The following UGT1A8 variants were observed in gnomAD, a reference collection of about 807,000 sequenced individuals.
The protein encoded by UGT1A8 is UDP glucuronosyltransferase family 1 member A8.
A neutral mutation model predicts 45.3 loss-of-function variants in UGT1A8; 39 were observed. That is an observed-to-expected ratio of 0.86 (90% confidence interval 0.67 to 1.12). The LOEUF is 1.12. Ranked by LOEUF, UGT1A8 falls within the 50% of genes most tolerant of loss-of-function variation. The pLI is 0.00. For missense variants in UGT1A8, 719 were observed against 664.9 expected (o/e 1.08, Z -0.90); for synonymous variants, 275 against 249.2 (o/e 1.10, Z -0.97).
At chr2:233,688,597 A>C (rs1376103048) in intron 1 of UGT1A8, among the ~76,000 whole-genome samples, 1 of 152,200 alleles carries the variant, frequency 6.6e-6, no homozygotes, top group Non-Finnish European at 1.5e-5. Context: ...TTGGTGTTAC[A>C]GAATAACACC....
At chr2:233,691,284 A>G (rs555799821) in intron 1 of UGT1A8, 1 of 985,524 alleles carries the variant, frequency 1.0e-6, no homozygotes, top group Non-Finnish European at 1.2e-6. Context: ...GACTTTGATC[A>G]TTGTAAGCTG....
At chr2:233,678,562 A>G (rs11692664) in intron 1 of UGT1A8, among the ~76,000 whole-genome samples, 45,659 of 152,048 alleles carry the variant, frequency 0.3, 7,185 homozygotes, top group South Asian at 0.4. Flanking sequence ...TTTATACAGT[A>G]CTAATCCTTC....
At chr2:233,738,878 T>C (rs1427489972) in intron 1 of UGT1A8, 3 of 152,250 alleles carry the variant, frequency 2.0e-5, no homozygotes, top group Admixed American at 6.5e-5. Flanking sequence ...CTCCAGGGCA[T>C]GTCAGAGACC....
At chr2:233,744,448 G>C (rs1692820883) in intron 1 of UGT1A8, among the ~76,000 whole-genome samples, 1 of 151,846 alleles carries the variant, frequency 6.6e-6, no homozygotes, top group African/African-American at 2.4e-5. Context: ...TACTGCATTA[G>C]AGATTAAAAC....
chr2:233,668,889 G>A (rs1322650212), intron 1 of UGT1A8, among the ~76,000 whole-genome samples: 2 of 152,200 alleles, frequency 1.3e-5, no homozygotes, highest in Admixed American at 6.5e-5. Flanking sequence ...CCTCTAGCCT[G>A]TGACAGTTTT....
chr2:233,697,896 A>G (rs1200423778), intron 1 of UGT1A8, among the ~76,000 whole-genome samples: 2 of 152,230 alleles, frequency 1.3e-5, no homozygotes, highest in Non-Finnish European at 2.9e-5. Flanking sequence ...ATTGAATCAA[A>G]TCTATTGACT....
At chr2:233,666,634 TTTTA>T (rs1559331370) in intron 1 of UGT1A8, among the ~76,000 whole-genome samples, 2 of 151,974 alleles carry the variant, frequency 1.3e-5, no homozygotes, top group Admixed American at 6.6e-5. Context: ...GTTTGTTTGT[TTTTA>T]TTTTTTTATT....
rs531758684 is a variant in UGT1A8, at chr2:233,682,883, G to T, written c.855+64321G>T. 9 of 1,511,366 alleles carry T rather than the reference G, an allele frequency of 6.0e-6. No individual in the cohort carries two copies. The South Asian group carries it at 1.2e-4, about 21-fold the overall frequency. The allele number at this position is 1,511,366 out of a possible 1,614,324, so 93.6% of individuals were successfully genotyped here. ...GAATCATAATTTATCATTTACATTT[G>T]TCCCATTTGGAATTTCTTTCTGGTT... On this transcript the variant is annotated intron_variant, in intron 1 of 4. Transcript: ENST00000373450.
intron 1 of UGT1A8, among the ~76,000 whole-genome samples, chr2:233,757,244 T>G (rs1696450978): frequency 1.0e-5 from 1 of 99,552 alleles, no homozygotes; most frequent in African/African-American, 4.0e-5. Context: ...GGTGGTGAGG[T>G]GGGGTTATTC....
At chr2:233,660,463 A>T (rs1009044838) in intron 1 of UGT1A8, among the ~76,000 whole-genome samples, 1 of 152,200 alleles carries the variant, frequency 6.6e-6, no homozygotes, top group African/African-American at 2.4e-5. Flanking sequence ...CTTTAGTGGC[A>T]AGGTATTTCT....
intron 1 of UGT1A8, among the ~76,000 whole-genome samples, chr2:233,699,275 C>A (rs558468809): frequency 6.6e-6 from 1 of 152,208 alleles, no homozygotes; most frequent in East Asian, 1.9e-4. Flanking sequence ...GGCTTGAATC[C>A]AGGCCAGATG....
At chr2:233,716,925 G>T (rs1351341849) in intron 1 of UGT1A8, among the ~76,000 whole-genome samples, 6 of 152,158 alleles carry the variant, frequency 3.9e-5, no homozygotes, top group African/African-American at 1.4e-4. Context: ...CTGATGCCTT[G>T]GGCAGCTCCT....
At chr2:233,715,946 TTGACTGAC>T (rs1026670441) in intron 1 of UGT1A8, among the ~76,000 whole-genome samples, 1 of 152,220 alleles carries the variant, frequency 6.6e-6, no homozygotes, top group African/African-American at 2.4e-5. Flanking sequence ...TTGTGGTTTG[TTGACTGAC>T]TGACTGATTG....
At chr2:233,675,542 A>G (rs1416718501) in intron 1 of UGT1A8, among the ~76,000 whole-genome samples, 1 of 152,114 alleles carries the variant, frequency 6.6e-6, no homozygotes, top group Non-Finnish European at 1.5e-5. Flanking sequence ...TTGCTGTAAG[A>G]TTCTGGCTAT....
intron 1 of UGT1A8, among the ~76,000 whole-genome samples, chr2:233,728,276 G>C (rs1254522252): frequency 6.6e-6 from 1 of 152,142 alleles, no homozygotes; most frequent in Non-Finnish European, 1.5e-5. Flanking sequence ...TGGAGCCTTC[G>C]GCATTCAGAA....
intron 1 of UGT1A8, chr2:233,672,537 G>T: frequency 1.2e-6 from 2 of 1,613,914 alleles, no homozygotes; most frequent in Non-Finnish European, 1.7e-6. Flanking sequence ...CAGATGCCAT[G>T]ACTTTCAAGG....
At position 233,639,984 on chromosome 2, in the gene UGT1A8, G is replaced by T. The variant is rs45578834; in HGVS notation, c.855+21422G>T. On this transcript the variant is annotated intron_variant, in intron 1 of 4. Transcript: ENST00000373450. ...AACAGAATTGATGACTGGTTTTAGG[G>T]GAAAAGAATTCAGGCTTCATCTATA... Among the ~76,000 whole-genome samples, 177 of 152,250 alleles carry T rather than the reference G, an allele frequency of 1.2e-3. 1 individual carries two copies. Among genetic ancestry groups the T allele is most frequent in the African/African-American group, 4.1e-3 (169 of 41,546 alleles).
At chr2:233,699,548 C>A (rs2075512161) in intron 1 of UGT1A8, among the ~76,000 whole-genome samples, 1 of 152,204 alleles carries the variant, frequency 6.6e-6, no homozygotes, top group Non-Finnish European at 1.5e-5. Context: ...CATCATAGAG[C>A]CAGGTCATGG....
intron 1 of UGT1A8, chr2:233,741,630 C>G (rs1050074339): frequency 1.3e-5 from 2 of 151,896 alleles, no homozygotes; most frequent in African/African-American, 4.9e-5. Flanking sequence ...CCATGAGCCC[C>G]TGTGGGATGG....
Sources: allele counts gnomAD v4.1 joint callset (sites outside exome capture counted in the v4.1 genomes callset), GRCh38; gene constraint gnomAD v4.1.1; transcripts MANE v1.5; gene names NCBI Gene and HGNC (gene_info 2026-07-23, HGNC 2026-07-21).